GJB7: variants seen among roughly 807,000 people sequenced by gnomAD.
The protein encoded by GJB7 is gap junction protein beta 7, also known as gap junction beta-7 protein.
For missense variants in GJB7, 253 were observed against 256.8 expected (o/e 0.99, Z 0.10); for synonymous variants, 87 against 95.2 (o/e 0.91, Z 0.50).
Position 87,284,490 on chromosome 6 carries a change from TA to T in GJB7, c.422del (p.Leu141TyrfsTer15). The T allele has an allele frequency of 5.0e-6, 8 of 1,614,000 alleles. No homozygotes were observed. The highest frequency in any genetic ancestry group is 6.8e-6 in the Non-Finnish European group (8 of 1,179,976). Reference sequence around the variant, plus strand: ...TAAAGCCATCATATAGCTTATAAAATAAAACAAGGAAGCCAATTTCAAAACC... The same window carrying T: ...TAAAGCCATCATATAGCTTATAAAATAAACAAGGAAGCCAATTTCAAAACC... ...KTGFEIGFLV[L>X]FYKLYDGFSV... On this transcript the variant is annotated frameshift_variant, in exon 3 of 3. Coordinates refer to ENST00000525899, the MANE Select transcript of GJB7 (RefSeq NM_198568.3). LOFTEE classifies it low-confidence loss of function (END_TRUNC).
chr6:87,315,324 C>T (rs1582567439), intron 2 of GJB7, among the ~76,000 whole-genome samples: 2 of 152,170 alleles, frequency 1.3e-5, no homozygotes, highest in Admixed American at 6.5e-5. Flanking sequence ...CTGTCCAAAG[C>T]AATTTGTCCT....
At chr6:87,295,821 G>A (rs929632233) in intron 2 of GJB7, among the ~76,000 whole-genome samples, 2 of 152,170 alleles carry the variant, frequency 1.3e-5, no homozygotes, top group Non-Finnish European at 2.9e-5. Context: ...TGCACTTAAA[G>A]CATTAAATAT....
At chr6:87,316,782 G>A (rs774951242) in intron 2 of GJB7, among the ~76,000 whole-genome samples, 1 of 152,134 alleles carries the variant, frequency 6.6e-6, no homozygotes, top group Non-Finnish European at 1.5e-5. Context: ...GGCCCCATCT[G>A]TTTCTCCAGT....
intron 2 of GJB7, among the ~76,000 whole-genome samples, chr6:87,308,962 C>G (rs1260948953): frequency 6.6e-6 from 1 of 152,206 alleles, no homozygotes; most frequent in Non-Finnish European, 1.5e-5. Flanking sequence ...ATCTCCATCT[C>G]CTTTTCCTGA....
intron 2 of GJB7, among the ~76,000 whole-genome samples, chr6:87,297,552 T>C (rs1182514060): frequency 1.3e-5 from 2 of 152,192 alleles, no homozygotes; most frequent in Non-Finnish European, 2.9e-5. Context: ...AAATTGTTAA[T>C]AATAAAAAGC....
At chr6:87,319,292 C>A (rs1279135830) in intron 2 of GJB7, among the ~76,000 whole-genome samples, 1 of 152,216 alleles carries the variant, frequency 6.6e-6, no homozygotes, top group East Asian at 1.9e-4. Context: ...CACGTCCTAT[C>A]ATTCACATTG....
intron 1 of GJB7, among the ~76,000 whole-genome samples, chr6:87,328,542 C>G (rs565156070): frequency 0.027 from 4,038 of 150,314 alleles, 257 homozygotes; most frequent in African/African-American, 0.096. Flanking sequence ...CTGCTGGAGG[C>G]TGCCTCCCAG....
chr6:87,296,664 G>A (rs1776252515), intron 2 of GJB7, among the ~76,000 whole-genome samples: 1 of 152,194 alleles, frequency 6.6e-6, no homozygotes, highest in South Asian at 2.1e-4. Flanking sequence ...AAGTGTGTTG[G>A]ACTGAAGACT....
chr6:87,323,485 C>T (rs1313371459), intron 1 of GJB7, among the ~76,000 whole-genome samples: 1 of 142,914 alleles, frequency 7.0e-6, no homozygotes, highest in Non-Finnish European at 1.5e-5. Flanking sequence ...CCATGTGTTC[C>T]CATTGTTCAA....
intron 2 of GJB7, 107 bp downstream of exon 2, chr6:87,322,759 G>C (rs954703297): frequency 6.6e-6 from 1 of 152,212 alleles, no homozygotes; most frequent in African/African-American, 2.4e-5. Flanking sequence ...CAGGGAGGGA[G>C]CGTCCTCTCG....
intron 2 of GJB7, among the ~76,000 whole-genome samples, chr6:87,305,338 CA>C (rs1420043162): frequency 6.6e-6 from 1 of 152,068 alleles, no homozygotes; most frequent in African/African-American, 2.4e-5. Flanking sequence ...TCTCAGGATA[CA>C]AAATCAATGT....
At chr6:87,304,850 G>C (rs145095296) in intron 2 of GJB7, among the ~76,000 whole-genome samples, 171 of 152,294 alleles carry the variant, frequency 1.1e-3, no homozygotes, top group African/African-American at 3.9e-3. Context: ...CTTCATCCCT[G>C]GTTTGCAAGG....
chr6:87,309,264 T>C (rs1366025521), intron 2 of GJB7, among the ~76,000 whole-genome samples: 1 of 152,256 alleles, frequency 6.6e-6, no homozygotes, highest in Non-Finnish European at 1.5e-5. Context: ...AGCTTTGTAA[T>C]GAAGGGCACA....
At chr6:87,324,283 AT>A (rs1025235885) in intron 1 of GJB7, among the ~76,000 whole-genome samples, 9 of 152,180 alleles carry the variant, frequency 5.9e-5, no homozygotes, top group Admixed American at 2.0e-4. Flanking sequence ...ATTAGATCCT[AT>A]TTGTCAATTT....
At chr6:87,313,804 C>G (rs1776544148) in intron 2 of GJB7, among the ~76,000 whole-genome samples, 1 of 152,150 alleles carries the variant, frequency 6.6e-6, no homozygotes, top group Admixed American at 6.5e-5. Flanking sequence ...GCAGCAGCAC[C>G]TCAGAACTTT....
intron 1 of GJB7, among the ~76,000 whole-genome samples, chr6:87,325,813 A>G (rs534763829): frequency 3.9e-5 from 6 of 152,170 alleles, no homozygotes; most frequent in Admixed American, 6.5e-5. Context: ...CTCTTTTTCT[A>G]TTGATTGGAA....
chr6:87,325,599 C>T (rs1287223727), intron 1 of GJB7, among the ~76,000 whole-genome samples: 4 of 150,960 alleles, frequency 2.6e-5, no homozygotes, highest in African/African-American at 9.8e-5. Flanking sequence ...ACCAGCCTTG[C>T]ATCCCAGGGA....
At chr6:87,301,609 G>C (rs1776328910) in intron 2 of GJB7, among the ~76,000 whole-genome samples, 1 of 152,226 alleles carries the variant, frequency 6.6e-6, no homozygotes, top group Non-Finnish European at 1.5e-5. Context: ...GGAGGGGAAG[G>C]TCATAGCTGA....
intron 1 of GJB7, among the ~76,000 whole-genome samples, chr6:87,325,648 T>G (rs1471583320): frequency 6.6e-6 from 1 of 151,648 alleles, no homozygotes; most frequent in Non-Finnish European, 1.5e-5. Flanking sequence ...CTTTTTGATG[T>G]GCTGCTGGAT....
Sources: allele counts gnomAD v4.1 joint callset (sites outside exome capture counted in the v4.1 genomes callset), GRCh38; gene constraint gnomAD v4.1.1; transcripts MANE v1.5; gene names NCBI Gene and HGNC (gene_info 2026-07-23, HGNC 2026-07-21).